CATSPERB: variants seen among roughly 807,000 people sequenced by gnomAD.
CATSPERB encodes catsper channel auxiliary subunit beta.
Under a neutral mutation model 128.3 loss-of-function variants are expected in CATSPERB, and 93 were observed. The ratio of observed to expected loss-of-function variants is 0.72; its 90% CI spans 0.61 to 0.86. The LOEUF (loss-of-function observed/expected upper bound fraction) is 0.86, where lower values mean the gene tolerates loss of function less well. Ranked by LOEUF, CATSPERB falls within the 40% of genes least tolerant of loss-of-function variation. The pLI is 0.00. For missense variants in CATSPERB, 1,153 were observed against 1,329.5 expected (o/e 0.87, Z 2.06); for synonymous variants, 381 against 448.8 (o/e 0.85, Z 1.91).
chr14:91,662,926 C>T lies in CATSPERB; in HGVS notation c.1288-2945G>A, dbSNP rs1894910553. Among the ~76,000 whole-genome samples, 5 of 152,006 alleles carry T rather than the reference C, an allele frequency of 3.3e-5. 1 individual carries two copies. In the South Asian group the frequency reaches 1.0e-3, roughly 32 times the overall value. On this transcript the variant is annotated intron_variant, in intron 14 of 26. Coordinates refer to ENST00000256343, the MANE Select transcript of CATSPERB (RefSeq NM_024764.4). ...GCTTTGCAGAAATTCTTTATATATT[C>T]TTACTTCTATAATTCTTTCTTAGTT...
intron 15 of CATSPERB, among the ~76,000 whole-genome samples, chr14:91,650,574 A>G (rs972789853): frequency 6.6e-6 from 1 of 152,078 alleles, no homozygotes; most frequent in African/African-American, 2.4e-5. Flanking sequence ...ATTGACTTAC[A>G]TTTCCCATTT....
chr14:91,723,621 G>C (rs187407738), intron 3 of CATSPERB, among the ~76,000 whole-genome samples: 21 of 152,148 alleles, frequency 1.4e-4, no homozygotes, highest in Non-Finnish European at 7.4e-5. Flanking sequence ...AAACTAACAT[G>C]AGACAGATAC....
intron 18 of CATSPERB, among the ~76,000 whole-genome samples, chr14:91,622,705 A>G (rs907641225): frequency 3.9e-5 from 6 of 152,072 alleles, no homozygotes; most frequent in Non-Finnish European, 8.8e-5. Context: ...AAACCGACCA[A>G]CGAAAATCCT....
At chr14:91,689,287 C>T (rs1895426718) in intron 10 of CATSPERB, among the ~76,000 whole-genome samples, 1 of 152,208 alleles carries the variant, frequency 6.6e-6, no homozygotes, top group African/African-American at 2.4e-5. Context: ...CAGTCCTCTA[C>T]TCCCCGCTCT....
intron 22 of CATSPERB, chr14:91,604,558 G>C: frequency 6.2e-7 from 1 of 1,608,852 alleles, no homozygotes; most frequent in Non-Finnish European, 8.5e-7. Context: ...AATTTGGCTG[G>C]AACTGCATGG....
At chr14:91,618,556 G>T (rs1893987081) in intron 19 of CATSPERB, among the ~76,000 whole-genome samples, 1 of 152,172 alleles carries the variant, frequency 6.6e-6, no homozygotes, top group South Asian at 2.1e-4. Flanking sequence ...ACACTGAGTT[G>T]GTTGACTGAG....
At chr14:91,610,773 G>T in intron 20 of CATSPERB, 96 bp from the exon 21 acceptor site, 1 of 1,138,220 alleles carries the variant, frequency 8.8e-7, no homozygotes. Flanking sequence ...CCAACCTCCA[G>T]TATCTCAAAA....
intron 10 of CATSPERB, among the ~76,000 whole-genome samples, chr14:91,690,572 G>A (rs183767693): frequency 2.2e-4 from 33 of 152,308 alleles, no homozygotes; most frequent in African/African-American, 6.7e-4. Flanking sequence ...GCTAGGTATG[G>A]AATTCTATTT....
chr14:91,674,255 G>A (rs774823293), intron 11 of CATSPERB, 33 bp from the exon 12 acceptor site: 3 of 1,331,618 alleles, frequency 2.3e-6, no homozygotes, highest in South Asian at 1.3e-5. Flanking sequence ...CAGGAATTAT[G>A]AGCATATCTG....
chr14:91,627,229 A>G (rs1704664), intron 17 of CATSPERB, among the ~76,000 whole-genome samples: 113,395 of 151,582 alleles, frequency 0.75, 42,905 homozygotes, highest in East Asian at 0.97. Context: ...ACAAACTTAC[A>G]CTCTGAAATA....
At chr14:91,691,993 A>G (rs1026357313) in intron 9 of CATSPERB, among the ~76,000 whole-genome samples, 1 of 152,152 alleles carries the variant, frequency 6.6e-6, no homozygotes, top group South Asian at 2.1e-4. Context: ...CCTGGCCAAC[A>G]TAGTGAAACT....
chr14:91,592,105 T>A (rs1346554734), intron 22 of CATSPERB, 103 bp from the exon 23 acceptor site: 1 of 758,458 alleles, frequency 1.3e-6, no homozygotes, highest in Non-Finnish European at 2.3e-6. Context: ...GAAGTGGAAT[T>A]CCTGAGAAGT....
At chr14:91,611,257 A>G (rs1333352814) in intron 20 of CATSPERB, among the ~76,000 whole-genome samples, 7 of 152,352 alleles carry the variant, frequency 4.6e-5, no homozygotes, top group African/African-American at 1.7e-4. Context: ...TTTTCCAGGA[A>G]GAAATATATT....
At chr14:91,723,631 C>T (rs990780193) in intron 3 of CATSPERB, among the ~76,000 whole-genome samples, 1 of 152,076 alleles carries the variant, frequency 6.6e-6, no homozygotes, top group African/African-American at 2.4e-5. Context: ...GAGACAGATA[C>T]CAAGAGCTTT....
At position 91,639,137 on chromosome 14, in the gene CATSPERB, G is replaced by A; in HGVS notation, c.1546C>T (p.Pro516Ser). The stretch of plus-strand genomic sequence containing the variant: ...CTAGAATTTCCAAAGGCTGTGGGTG[G>A]TCCACTAGCTTCAAAGCGACCCAGA... The part of the protein sequence containing the change: ...LTLGRFEASG[P>S]PTAFGNSRNL... Residue 516 changes from proline (P) to serine (S), a missense_variant, in exon 16 of 27, where the codon CCA becomes TCA. Pro to Ser is a moderately conservative substitution (Grantham distance 74, BLOSUM62 -1). Transcript: ENST00000256343. 3 of 1,614,004 alleles carry A rather than the reference G, an allele frequency of 1.9e-6. No individual in the cohort carries two copies. Among genetic ancestry groups the A allele is most frequent in the Non-Finnish European group, 2.5e-6 (3 of 1,179,984 alleles).
intron 14 of CATSPERB, among the ~76,000 whole-genome samples, chr14:91,663,977 A>G (rs148873852): frequency 1.1e-4 from 17 of 152,316 alleles, no homozygotes; most frequent in African/African-American, 4.1e-4. Flanking sequence ...AGTTTACATT[A>G]GGGACCATTC....
chr14:91,731,649 C>A (rs1160246440), intron 1 of CATSPERB, among the ~76,000 whole-genome samples: 1 of 152,196 alleles, frequency 6.6e-6, no homozygotes. Context: ...TCTTTTTCCT[C>A]ATCACACTCC....
intron 14 of CATSPERB, among the ~76,000 whole-genome samples, chr14:91,664,114 C>T (rs907078340): frequency 2.0e-5 from 3 of 152,180 alleles, no homozygotes; most frequent in Admixed American, 1.3e-4. Context: ...CCTCTCTGCC[C>T]TCTAATCCCT....
At chr14:91,636,356 C>T (rs1894374223) in intron 17 of CATSPERB, 69 bp downstream of exon 17, 8 of 1,444,652 alleles carry the variant, frequency 5.5e-6, no homozygotes, top group Admixed American at 1.8e-5. Flanking sequence ...GAGCAAGACC[C>T]TATCTCAAAA....
Sources: gnomAD v4.1 joint callset for allele counts (sites outside exome capture counted in the v4.1 genomes callset) on GRCh38, gnomAD v4.1.1 for gene constraint, MANE v1.5 for transcripts, NCBI Gene and HGNC (gene_info 2026-07-23, HGNC 2026-07-21) for gene names.